EPB41L3: variants seen among roughly 807,000 people sequenced by gnomAD.
EPB41L3 encodes the protein band 4.1-like protein 3.
Under a neutral mutation model 127.1 loss-of-function variants are expected in EPB41L3, and 57 were observed. The observed-to-expected ratio is 0.45, with a 90% CI of 0.36 to 0.56. The LOEUF (loss-of-function observed/expected upper bound fraction) is 0.56, where lower values mean the gene tolerates loss of function less well. EPB41L3 is among the 20% of genes least tolerant of loss of function. The pLI is 0.00. For missense variants in EPB41L3, 1,273 were observed against 1,372.2 expected (o/e 0.93, Z 1.14); for synonymous variants, 572 against 549.5 (o/e 1.04, Z -0.57).
At chr18:5,498,802 A>T (rs991276864) in intron 1 of EPB41L3, among the ~76,000 whole-genome samples, 1 of 152,006 alleles carries the variant, frequency 6.6e-6, no homozygotes, top group African/African-American at 2.4e-5. Context: ...AATAAACTAA[A>T]TATAGCAACT....
chr18:5,423,632 A>T (rs12607210), intron 10 of EPB41L3, 79 bp from the exon 11 acceptor site: 940,397 of 1,324,206 alleles, frequency 0.71, 343,555 homozygotes, highest in Non-Finnish European at 0.76. Context: ...TTACTCTGAG[A>T]GGTCATGTGT....
Position 5,395,262 on chromosome 18 carries a change from T to TA in EPB41L3, c.3073-116dup, listed in dbSNP as rs1450327836. The TA allele has an allele frequency of 7.8e-6, 7 of 902,064 alleles. No individual in the cohort carries two copies. The African/African-American group carries it at 8.1e-5, about 10-fold the overall frequency. The allele number at this position is 902,064 out of a possible 1,614,324, so 55.9% of individuals were successfully genotyped here. ...TCATTCACTCTTCGAGAATTGAAAT[T>TA]AGAGTTCTATGGCACTTATTTCACA... On this transcript the variant is annotated intron_variant, in intron 20 of 22. Transcript: ENST00000341928.
At chr18:5,485,342 A>T (rs1481882772) in intron 2 of EPB41L3, among the ~76,000 whole-genome samples, 1 of 152,020 alleles carries the variant, frequency 6.6e-6, no homozygotes, top group Non-Finnish European at 1.5e-5. Flanking sequence ...ATAGAAGAAC[A>T]TACCCCGAAA....
At position 5,397,771 on chromosome 18, in the gene EPB41L3, T is replaced by C. The variant is rs1428386038; in HGVS notation, c.2472+250A>G. 6.6e-6 allele frequency among the ~76,000 whole-genome samples: 1 copy of C among 152,214 alleles called. No individual in the cohort carries two copies. The highest frequency in any genetic ancestry group is 1.5e-5 in the Non-Finnish European group (1 of 68,044). On this transcript the variant is annotated intron_variant, in intron 17 of 22. Coordinates refer to ENST00000341928, the MANE Select transcript of EPB41L3 (RefSeq NM_012307.5). The surrounding 1 kb of genome is among the most constrained non-coding windows in gnomAD (Gnocchi z 4.1). ...AGACTCAACTGGTGAGACATAATGC[T>C]TTTAGATATTTAATTCTATTAAAAT...
chr18:5,501,332 T>C (rs1475427027), intron 1 of EPB41L3, among the ~76,000 whole-genome samples: 2 of 152,318 alleles, frequency 1.3e-5, no homozygotes, highest in Non-Finnish European at 2.9e-5. Context: ...TTAACCTAAA[T>C]GTGTCCTAAG....
chr18:5,536,448 G>A (rs1402801627), intron 1 of EPB41L3, among the ~76,000 whole-genome samples: 1 of 150,992 alleles, frequency 6.6e-6, no homozygotes, highest in Non-Finnish European at 1.5e-5. Context: ...AAATAATGAT[G>A]TGGGTATAGA....
intron 1 of EPB41L3, among the ~76,000 whole-genome samples, chr18:5,524,659 G>A (rs1257607779): frequency 6.6e-6 from 1 of 152,102 alleles, no homozygotes; most frequent in Non-Finnish European, 1.5e-5. Flanking sequence ...CTCTCTTCTT[G>A]GCATCTTGCT....
At chr18:5,457,212 C>T (rs966483304) in intron 3 of EPB41L3, among the ~76,000 whole-genome samples, 3 of 133,990 alleles carry the variant, frequency 2.2e-5, no homozygotes, top group African/African-American at 7.7e-5. Flanking sequence ...GTAGGAAAAT[C>T]GCAAACATTC....
In EPB41L3 at chr18:5,560,940, ATTATTTATTTATTTATTTATTTAT is replaced by A. The variant is rs138212314; in HGVS notation, c.-306+51376_-306+51399del. Among the ~76,000 whole-genome samples, 369 of 129,226 alleles carry A rather than the reference ATTATTTATTTATTTATTTATTTAT, an allele frequency of 2.9e-3. 3 individuals are homozygous for A. Among genetic ancestry groups the A allele is most frequent in the African/African-American group, 9.6e-3 (334 of 34,950 alleles). The allele number at this position is 129,226 out of a possible 152,430, so 84.8% of individuals were successfully genotyped here. A position where few individuals can be genotyped will look rare whatever the true frequency, so the allele number is the denominator to read the frequency against. On this transcript the variant is annotated intron_variant, in intron 3 of 21. Coordinates refer to the EPB41L3 transcript ENST00000545076. ...TTTTCTCATATGATTCATAGTTGTA[ATTATTTATTTATTTATTTATTTAT>A]TTATTTATTTATTTATTTATTTATT...
In EPB41L3 at chr18:5,443,872, C is replaced by T; in HGVS notation, c.495G>A (p.Leu165=). ...GTTTTTTTATTTCCTTAGCAGGGTC[C>T]AACCAATTCTGAAAAGGAAATGACA... ...YRDAENQKNW[L]DPAKEIKKQV... The change falls in exon 5 of 23, where the codon TTG becomes TTA. Residue 165 remains leucine (L), a synonymous_variant. Transcript: ENST00000341928. 6.2e-7 allele frequency: 1 copy of T among 1,606,202 alleles called. No homozygotes were observed. Among genetic ancestry groups the T allele is most frequent in the Non-Finnish European group, 8.5e-7 (1 of 1,177,308 alleles).
intron 11 of EPB41L3, 138 bp from the exon 12 acceptor site, chr18:5,420,015 G>GAA (rs3833866): frequency 3.8e-4 from 555 of 1,453,200 alleles, no homozygotes; most frequent in Non-Finnish European, 4.1e-4. Context: ...TATCTTTACT[G>GAA]AAAAAAAAAA....
At chr18:5,523,196 G>C (rs1249066861) in intron 1 of EPB41L3, among the ~76,000 whole-genome samples, 1 of 152,142 alleles carries the variant, frequency 6.6e-6, no homozygotes, top group Non-Finnish European at 1.5e-5. Context: ...AGATTGGTAG[G>C]ACAGAATTAT....
At chr18:5,505,369 A>G (rs1263493630) in intron 1 of EPB41L3, among the ~76,000 whole-genome samples, 2 of 152,034 alleles carry the variant, frequency 1.3e-5, no homozygotes, top group African/African-American at 4.8e-5. Context: ...CTGTGGCTCT[A>G]CCTTCAGAAT....
intron 3 of EPB41L3, among the ~76,000 whole-genome samples, chr18:5,566,756 T>C (rs973981041): frequency 7.1e-6 from 1 of 140,840 alleles, no homozygotes. Context: ...TCTATTCTAT[T>C]CTATTCTATT....
intron 3 of EPB41L3, among the ~76,000 whole-genome samples, chr18:5,472,096 G>T (rs527422257): frequency 1.3e-5 from 2 of 151,672 alleles, no homozygotes; most frequent in Admixed American, 6.6e-5. Flanking sequence ...ATTAGGCCTT[G>T]TCTACACTCA....
chr18:5,397,502 C>T lies in EPB41L3; in HGVS notation c.2473-76G>A, dbSNP rs1417472121. ...TCAGAAAATAACTAAAGCTGCCACTCGCCAGGATGTCTAAAGCCAGCAGCA... is the reference window on the plus strand; with the variant it reads ...TCAGAAAATAACTAAAGCTGCCACTTGCCAGGATGTCTAAAGCCAGCAGCA... On this transcript the variant is annotated intron_variant, in intron 17 of 22. Coordinates refer to ENST00000341928, the MANE Select transcript of EPB41L3 (RefSeq NM_012307.5). The surrounding 1 kb of genome is among the most constrained non-coding windows in gnomAD (Gnocchi z 4.1). 1.3e-5 allele frequency: 20 copies of T among 1,490,792 alleles called. 1 individual carries two copies. Among genetic ancestry groups the T allele is most frequent in the Admixed American group, 6.6e-5 (3 of 45,182 alleles). 92.3% of individuals were successfully genotyped at this position (1,490,792 alleles called of 1,614,324 possible).
At chr18:5,595,451 T>C (rs974296817) in intron 3 of EPB41L3, among the ~76,000 whole-genome samples, 3 of 152,132 alleles carry the variant, frequency 2.0e-5, no homozygotes, top group African/African-American at 4.8e-5. Context: ...CCCCTTCTTA[T>C]GCCATCCTCT....
chr18:5,520,184 A>G (rs1020384844), intron 1 of EPB41L3, among the ~76,000 whole-genome samples: 1 of 152,202 alleles, frequency 6.6e-6, no homozygotes, highest in Non-Finnish European at 1.5e-5. Flanking sequence ...CTAGGTCACC[A>G]GATTTATTTC....
At chr18:5,583,830 C>T (rs1489101735) in intron 3 of EPB41L3, among the ~76,000 whole-genome samples, 1 of 151,882 alleles carries the variant, frequency 6.6e-6, no homozygotes, top group East Asian at 1.9e-4. Context: ...TATTTGTTTT[C>T]GGAGTTTCAC....
Sources: gnomAD v4.1 joint callset for allele counts (sites outside exome capture counted in the v4.1 genomes callset) on GRCh38, gnomAD v4.1.1 for gene constraint, Gnocchi (gnomAD v3.1) non-coding constraint, MANE v1.5 for transcripts, NCBI Gene and HGNC (gene_info 2026-07-23, HGNC 2026-07-21) for gene names.